The following BAIAP2 variants were observed in gnomAD, a reference collection of about 807,000 sequenced individuals.
BAIAP2 encodes BAR/IMD domain-containing adapter protein 2.
BAIAP2 carries 18 observed loss-of-function variants against 63.0 expected under a neutral mutation model. The observed-to-expected ratio is 0.29, with a 90% confidence interval of 0.20 to 0.42. BAIAP2 has a LOEUF of 0.42. Ranked by LOEUF, BAIAP2 falls within the 10% of genes least tolerant of loss-of-function variation. BAIAP2 has a pLI of 1.00. For missense variants in BAIAP2, 610 were observed against 734.3 expected (o/e 0.83, Z 1.96); for synonymous variants, 386 against 307.6 (o/e 1.25, Z -2.67).
chr17:81,107,384 C>T, intron 12 of BAIAP2: 1 of 155,912 alleles, frequency 6.4e-6, no homozygotes, highest in Non-Finnish European at 1.4e-5. Context: ...GTCAGTGTGA[C>T]CCTGGATTTG....
chr17:81,049,782 C>T (rs1402238294), intron 1 of BAIAP2, among the ~76,000 whole-genome samples: 1 of 152,238 alleles, frequency 6.6e-6, no homozygotes, highest in Non-Finnish European at 1.5e-5. Flanking sequence ...TGCAAAGTGC[C>T]TGTTGGCTAT....
At chr17:81,094,826 T>C (rs2057360952) in intron 6 of BAIAP2, among the ~76,000 whole-genome samples, 1 of 152,246 alleles carries the variant, frequency 6.6e-6, no homozygotes, top group Non-Finnish European at 1.5e-5. Flanking sequence ...CCGCATCCTT[T>C]CGAGTAAGTG....
chr17:81,090,576 A>G (rs1317658721), intron 6 of BAIAP2, among the ~76,000 whole-genome samples: 1 of 152,194 alleles, frequency 6.6e-6, no homozygotes, highest in Non-Finnish European at 1.5e-5. Flanking sequence ...TCGAAACAAC[A>G]TTTTGGGGTG....
At chr17:81,086,649 C>T (rs2055698972) in intron 6 of BAIAP2, 69 bp downstream of exon 6, 9 of 1,580,340 alleles carry the variant, frequency 5.7e-6, no homozygotes, top group South Asian at 4.5e-5. Flanking sequence ...CGGCCCCCCT[C>T]GTCCACAGGG....
chr17:81,089,095 C>T (rs2056256384), intron 6 of BAIAP2, among the ~76,000 whole-genome samples: 1 of 152,284 alleles, frequency 6.6e-6, no homozygotes, highest in Non-Finnish European at 1.5e-5. Flanking sequence ...GTGGGATTTA[C>T]TCCCGAGGCT....
intron 13 of BAIAP2, among the ~76,000 whole-genome samples, chr17:81,112,310 G>A (rs553345107): frequency 5.9e-5 from 9 of 152,368 alleles, no homozygotes; most frequent in East Asian, 1.9e-4. Context: ...TAGCAGTGCC[G>A]GTGGGGCAGT....
chr17:81,096,467 C>T (rs564889324), intron 6 of BAIAP2, among the ~76,000 whole-genome samples: 24 of 152,394 alleles, frequency 1.6e-4, no homozygotes, highest in Non-Finnish European at 3.1e-4. Context: ...GAGGCGCACC[C>T]CAGCATCCCT....
At position 81,044,863 on chromosome 17, in the gene BAIAP2, C is replaced by T. The variant is rs145911794; in HGVS notation, c.55-8805C>T. 4.3e-3 allele frequency among the ~76,000 whole-genome samples: 659 copies of T among 152,336 alleles called. 7 individuals carry two copies. Among genetic ancestry groups the T allele is most frequent in the African/African-American group, 0.015 (633 of 41,574 alleles). On this transcript the variant is annotated intron_variant, in intron 1 of 13. Transcript: ENST00000428708. ...GCGCCAGCTCAGTGCTGGCCACAGG[C>T]GAAAGGCAGCCGGAATGCACCGTCC...
chr17:81,103,198 T>C (rs1158187117), intron 7 of BAIAP2, among the ~76,000 whole-genome samples: 1 of 152,200 alleles, frequency 6.6e-6, no homozygotes, highest in African/African-American at 2.4e-5. Context: ...ACCTTGTGCG[T>C]CCCTGTCCGT....
At chr17:81,075,769 T>C (rs1466449516) in intron 3 of BAIAP2, among the ~76,000 whole-genome samples, 1 of 152,134 alleles carries the variant, frequency 6.6e-6, no homozygotes, top group Non-Finnish European at 1.5e-5. Flanking sequence ...TTGGTGGGCC[T>C]CAAGTCCTGC....
chr17:81,057,983 C>CT lies in BAIAP2; in HGVS notation c.217+16_217+17insT. 1 of 1,212,408 alleles carries CT rather than the reference C, an allele frequency of 8.2e-7. No homozygotes were observed. The highest frequency in any genetic ancestry group is 1.1e-6 in the Non-Finnish European group (1 of 922,472). The allele number at this position is 1,212,408 out of a possible 1,614,324, so 75.1% of individuals were successfully genotyped here. A position where few individuals can be genotyped will look rare whatever the true frequency, so the allele number is the denominator to read the frequency against. On this transcript the variant is annotated intron_variant, in intron 3 of 13. Transcript: ENST00000428708. ...AAAGAACTCGGTGAGACCCCCCCCC[C>CT]CCCCCCGCCTGGTAGTCGCCTGATG...
At chr17:81,102,927 T>C (rs2145882112) in intron 7 of BAIAP2, among the ~76,000 whole-genome samples, 1 of 152,328 alleles carries the variant, frequency 6.6e-6, no homozygotes. Context: ...CCCAGAACCT[T>C]TCTCCATGCC....
At chr17:81,103,406 C>A in intron 7 of BAIAP2, 96 bp from the exon 8 acceptor site, 1 of 1,173,566 alleles carries the variant, frequency 8.5e-7, no homozygotes, top group Non-Finnish European at 1.2e-6. Context: ...CAGCCTCCAG[C>A]CCCAGAGAGT....
chr17:81,050,139 C>T (rs926019011), intron 1 of BAIAP2, among the ~76,000 whole-genome samples: 3 of 152,200 alleles, frequency 2.0e-5, no homozygotes, highest in East Asian at 1.9e-4. Flanking sequence ...CCACAGAAGG[C>T]CTCTCTGCTG....
chr17:81,075,415 G>A (rs940417050), intron 3 of BAIAP2, among the ~76,000 whole-genome samples: 1 of 152,204 alleles, frequency 6.6e-6, no homozygotes, highest in African/African-American at 2.4e-5. Flanking sequence ...CGTGTGAAGC[G>A]ATCGGAAGGA....
In BAIAP2 at chr17:81,110,647, C is replaced by G. The variant is rs549490142; in HGVS notation, c.1535+2138C>G. 3 of 1,351,586 alleles carry G rather than the reference C, an allele frequency of 2.2e-6. No homozygotes were observed. The African/African-American group carries it at 4.4e-5, about 20-fold the overall frequency. 83.7% of individuals were successfully genotyped at this position (1,351,586 alleles called of 1,614,324 possible). A position where few individuals can be genotyped will look rare whatever the true frequency, so the allele number is the denominator to read the frequency against. ...AGATAACCTGGGCTTGCACACGGTG[C>G]TGGCCCCAGTGACAGTCGCTCACTC... On this transcript the variant is annotated intron_variant, in intron 13 of 13. Coordinates refer to ENST00000428708, the MANE Select transcript of BAIAP2 (RefSeq NM_001144888.2).
At chr17:81,052,722 A>G (rs950906749) in intron 1 of BAIAP2, among the ~76,000 whole-genome samples, 6 of 150,716 alleles carry the variant, frequency 4.0e-5, no homozygotes, top group African/African-American at 1.5e-4. Context: ...AGGTGCTGGG[A>G]GAGGGGGTGG....
At chr17:81,071,216 A>G (rs1467901832) in intron 3 of BAIAP2, among the ~76,000 whole-genome samples, 2 of 151,932 alleles carry the variant, frequency 1.3e-5, no homozygotes, top group Non-Finnish European at 2.9e-5. Context: ...AGGGCAGCAG[A>G]GAGAAGGGGC....
intron 12 of BAIAP2, chr17:81,108,041 C>T (rs1380755056): frequency 5.1e-6 from 1 of 197,080 alleles, no homozygotes; most frequent in African/African-American, 2.3e-5. Flanking sequence ...GACAAGTTTC[C>T]AGGAAACTGC....
Sources: allele counts gnomAD v4.1 joint callset (sites outside exome capture counted in the v4.1 genomes callset), GRCh38; gene constraint gnomAD v4.1.1; transcripts MANE v1.5; gene names NCBI Gene and HGNC (gene_info 2026-07-23, HGNC 2026-07-21).